Variants in LRRC1 observed in about 807,000 individuals in gnomAD.
LRRC1 encodes leucine rich repeat containing 1.
LRRC1 carries 28 observed loss-of-function variants against 69.9 expected under a neutral mutation model. That is an observed-to-expected ratio of 0.40 (90% CI 0.30 to 0.55). The LOEUF is 0.55. Among genes scored for constraint, LRRC1 ranks in the 20% least tolerant of loss-of-function variants. The pLI is 0.47. For missense variants in LRRC1, 498 were observed against 609.0 expected (o/e 0.82, Z 1.92); for synonymous variants, 236 against 240.2 (o/e 0.98, Z 0.16).
In LRRC1 at chr6:53,879,608, CCT is replaced by C. The variant is rs148495204; in HGVS notation, c.356+540_356+541del. On this transcript the variant is annotated intron_variant, in intron 3 of 13. Coordinates refer to ENST00000370888, the MANE Select transcript of LRRC1 (RefSeq NM_018214.5). ...CATACTATCTTTTTGTCTCAACTTT[CCT>C]CTAACTCTGCATTAAAAAACAAACA... Among the ~76,000 whole-genome samples the C allele has an allele frequency of 2.0e-3, 300 of 152,178 alleles. 4 individuals are homozygous for C. In the East Asian group the frequency reaches 0.041, roughly 21 times the overall value.
chr6:53,816,128 T>C (rs1379709106), intron 1 of LRRC1, among the ~76,000 whole-genome samples: 1 of 152,226 alleles, frequency 6.6e-6, no homozygotes, highest in Non-Finnish European at 1.5e-5. Flanking sequence ...GTAATTCCAG[T>C]TTCAGAGGCA....
intron 2 of LRRC1, among the ~76,000 whole-genome samples, chr6:53,843,073 T>TC (rs1045949947): frequency 6.6e-6 from 1 of 152,202 alleles, no homozygotes; most frequent in African/African-American, 2.4e-5. Context: ...ACGTAGCAAC[T>TC]CCCAGTGGTC....
At chr6:53,896,387 A>G (rs992401113) in intron 4 of LRRC1, 111 bp from the exon 5 acceptor site, 4 of 834,804 alleles carry the variant, frequency 4.8e-6, no homozygotes, top group Non-Finnish European at 6.1e-6. Context: ...TAAGTGACCT[A>G]CTAGGTTTTA....
At chr6:53,857,805 A>G (rs1766360822) in intron 2 of LRRC1, among the ~76,000 whole-genome samples, 1 of 152,220 alleles carries the variant, frequency 6.6e-6, no homozygotes, top group African/African-American at 2.4e-5. Flanking sequence ...TTGAAAGATC[A>G]GAGGAAGGCT....
chr6:53,807,676 T>A (rs986517622), intron 1 of LRRC1, among the ~76,000 whole-genome samples: 6 of 148,084 alleles, frequency 4.1e-5, no homozygotes, highest in African/African-American at 1.5e-4. Context: ...ACCCGGGAGA[T>A]GGAGGTTGCA....
chr6:53,848,230 G>A (rs7761285), intron 2 of LRRC1, among the ~76,000 whole-genome samples: 56,902 of 152,034 alleles, frequency 0.37, 11,196 homozygotes, highest in East Asian at 0.68. Context: ...AAATATATCC[G>A]CTTTCCCATT....
At chr6:53,915,196 G>T (rs2127441976) in intron 11 of LRRC1, among the ~76,000 whole-genome samples, 1 of 152,308 alleles carries the variant, frequency 6.6e-6, no homozygotes. Flanking sequence ...TTGGGAGGCT[G>T]TCTCCTGAGT....
chr6:53,900,160 C>A (rs1270816722), intron 8 of LRRC1, among the ~76,000 whole-genome samples: 1 of 151,346 alleles, frequency 6.6e-6, no homozygotes, highest in African/African-American at 2.4e-5. Flanking sequence ...GCCTCAGCCT[C>A]CCGAATAGCT....
In LRRC1 at chr6:53,890,578, G is replaced by T. The variant is rs9474673; in HGVS notation, c.447-5920G>T. ...CCTAAAAGGAGTAAATCCTTTTTTT[G>T]AAAACTATTACCATATTTAATGTTC... On this transcript the variant is annotated intron_variant, in intron 4 of 13. Transcript: ENST00000370888. Among the ~76,000 whole-genome samples, 334 of 152,124 alleles carry T rather than the reference G, an allele frequency of 2.2e-3. 3 individuals are homozygous for T. Among genetic ancestry groups the T allele is most frequent in the African/African-American group, 7.4e-3 (308 of 41,524 alleles).
chr6:53,846,365 A>G (rs940774590), intron 2 of LRRC1, among the ~76,000 whole-genome samples: 1 of 152,206 alleles, frequency 6.6e-6, no homozygotes, highest in African/African-American at 2.4e-5. Flanking sequence ...TGGGATGAGC[A>G]CAGTGCATAT....
chr6:53,909,652 T>C (rs1768350762), intron 10 of LRRC1, among the ~76,000 whole-genome samples: 3 of 151,948 alleles, frequency 2.0e-5, no homozygotes, highest in Admixed American at 2.0e-4. Context: ...GATATTTTGA[T>C]GTCAGTGGCC....
At chr6:53,872,280 G>A (rs937397664) in intron 2 of LRRC1, among the ~76,000 whole-genome samples, 5 of 151,916 alleles carry the variant, frequency 3.3e-5, no homozygotes, top group South Asian at 2.1e-4. Context: ...TTTTATTTCC[G>A]TAGGTTTTTG....
intron 2 of LRRC1, among the ~76,000 whole-genome samples, chr6:53,869,378 A>G (rs1766808313): frequency 6.6e-6 from 1 of 151,644 alleles, no homozygotes; most frequent in Non-Finnish European, 1.5e-5. Context: ...CATTGAGAAG[A>G]TTTTTTTTTC....
intron 4 of LRRC1, chr6:53,883,937 TC>T: frequency 1.4e-6 from 1 of 717,976 alleles, no homozygotes; most frequent in Non-Finnish European, 2.6e-6. Context: ...CCCTTTCCTT[TC>T]TATCCTCTTC....
intron 2 of LRRC1, among the ~76,000 whole-genome samples, chr6:53,877,970 C>T (rs1460579438): frequency 6.6e-6 from 1 of 152,120 alleles, no homozygotes; most frequent in East Asian, 1.9e-4. Context: ...TAAAGACATA[C>T]AAAAGAAAGA....
At chr6:53,842,968 T>C (rs1176527271) in intron 2 of LRRC1, among the ~76,000 whole-genome samples, 2 of 152,198 alleles carry the variant, frequency 1.3e-5, no homozygotes, top group Non-Finnish European at 2.9e-5. Context: ...TTTAAATGGG[T>C]ACCTTGGTTT....
chr6:53,795,480 C>T, intron 1 of LRRC1, 65 bp downstream of exon 1: 2 of 1,471,104 alleles, frequency 1.4e-6, no homozygotes, highest in East Asian at 2.5e-5. Context: ...CTCCCATCCT[C>T]TCTCGTCCCC....
At chr6:53,821,879 GTTT>G (rs34507757) in intron 1 of LRRC1, among the ~76,000 whole-genome samples, 63,341 of 143,212 alleles carry the variant, frequency 0.44, 13,749 homozygotes, top group Middle Eastern at 0.53. Context: ...AGTAATGCTA[GTTT>G]TTTTTTTTTT....
intron 5 of LRRC1, 58 bp from the exon 6 acceptor site, chr6:53,896,771 A>G (rs778091740): frequency 7.0e-6 from 8 of 1,137,356 alleles, no homozygotes; most frequent in Middle Eastern, 2.0e-4. Flanking sequence ...GAGGGATACT[A>G]TATTGCTCAG....
Sources: allele counts gnomAD v4.1 joint callset (sites outside exome capture counted in the v4.1 genomes callset), GRCh38; gene constraint gnomAD v4.1.1; transcripts MANE v1.5; gene names NCBI Gene and HGNC (gene_info 2026-07-23, HGNC 2026-07-21).